The following ERC2 variants were observed in gnomAD, a reference collection of about 807,000 sequenced individuals.
The protein encoded by ERC2 is ERC protein 2.
ERC2 carries 42 observed loss-of-function variants against 114.8 expected under a neutral mutation model. The ratio of observed to expected loss-of-function variants is 0.37; its 90% CI spans 0.29 to 0.47. The LOEUF (loss-of-function observed/expected upper bound fraction) is 0.47, where lower values mean the gene tolerates loss of function less well. Among genes scored for constraint, ERC2 ranks in the 20% least tolerant of loss-of-function variants. The pLI, the probability that ERC2 is intolerant of heterozygous loss-of-function variation, is 0.99. For missense variants in ERC2, 939 were observed against 1,150.7 expected, an observed-to-expected ratio of 0.82 and a Z score of 2.66; for synonymous variants, 454 against 425.5, an observed-to-expected ratio of 1.07 and a Z score of -0.82.
chr3:56,154,614 G>T (rs1193697483), intron 4 of ERC2, among the ~76,000 whole-genome samples: 2 of 152,014 alleles, frequency 1.3e-5, no homozygotes, highest in Non-Finnish European at 2.9e-5. Flanking sequence ...ATATTAATTT[G>T]TTCTTGTTGT....
intron 7 of ERC2, among the ~76,000 whole-genome samples, chr3:56,047,057 A>G (rs970034580): frequency 4.6e-5 from 7 of 152,324 alleles, no homozygotes; most frequent in Middle Eastern, 3.4e-3. Flanking sequence ...TCTTTTCCCA[A>G]TTAAATTCAG....
chr3:55,916,264 T>A (rs768340618), intron 13 of ERC2, among the ~76,000 whole-genome samples: 1 of 152,190 alleles, frequency 6.6e-6, no homozygotes, highest in Non-Finnish European at 1.5e-5. Context: ...TTAGGCTCAT[T>A]TTACACAAAA....
intron 1 of ERC2, among the ~76,000 whole-genome samples, chr3:56,446,625 C>CTTTTTTTTTTTTTTTTTTTT (rs1318263302): frequency 2.7e-5 from 3 of 112,358 alleles, no homozygotes; most frequent in Non-Finnish European, 3.5e-5. Flanking sequence ...TTTTTTTTTT[C>CTTTTTTTTTTTTTTTTTTTT]TTTCTTTTTT....
intron 13 of ERC2, among the ~76,000 whole-genome samples, chr3:55,934,916 G>A (rs894188655): frequency 1.6e-4 from 24 of 152,252 alleles, no homozygotes; most frequent in African/African-American, 5.8e-4. Flanking sequence ...AAATCATGCG[G>A]TCTGGGGGAA....
chr3:56,300,044 G>A (rs2055759393), intron 2 of ERC2, among the ~76,000 whole-genome samples: 1 of 152,072 alleles, frequency 6.6e-6, no homozygotes, highest in Non-Finnish European at 1.5e-5. Flanking sequence ...CCACATCTAC[G>A]CAGTGGGGAT....
intron 15 of ERC2, among the ~76,000 whole-genome samples, chr3:55,728,441 G>C (rs2065052883): frequency 6.6e-6 from 1 of 152,190 alleles, no homozygotes; most frequent in East Asian, 1.9e-4. Context: ...GACTGAGATT[G>C]AATGGATGAG....
At chr3:56,035,003 G>T (rs183065853) in intron 7 of ERC2, among the ~76,000 whole-genome samples, 99 of 151,798 alleles carry the variant, frequency 6.5e-4, no homozygotes, top group African/African-American at 2.3e-3. Flanking sequence ...ATTAAGTTTA[G>T]AAAAACAACC....
At chr3:55,814,497 A>G (rs2059836717) in intron 14 of ERC2, among the ~76,000 whole-genome samples, 1 of 152,214 alleles carries the variant, frequency 6.6e-6, no homozygotes, top group Non-Finnish European at 1.5e-5. Flanking sequence ...AGTATGAATC[A>G]CATTCTCTAC....
intron 14 of ERC2, among the ~76,000 whole-genome samples, chr3:55,765,506 G>A (rs780229724): frequency 6.6e-5 from 10 of 152,144 alleles, no homozygotes; most frequent in Non-Finnish European, 1.2e-4. Flanking sequence ...ACCCAATGAC[G>A]TAGCATGTGC....
At chr3:55,934,917 T>A (rs762810123) in intron 13 of ERC2, among the ~76,000 whole-genome samples, 2 of 152,098 alleles carry the variant, frequency 1.3e-5, no homozygotes, top group African/African-American at 2.4e-5. Context: ...AATCATGCGG[T>A]CTGGGGGAAA....
intron 15 of ERC2, among the ~76,000 whole-genome samples, chr3:55,705,691 G>C (rs1372469424): frequency 6.6e-6 from 1 of 152,016 alleles, no homozygotes; most frequent in Non-Finnish European, 1.5e-5. Flanking sequence ...TCATTCAGCT[G>C]ATCCATCCTT....
intron 14 of ERC2, among the ~76,000 whole-genome samples, chr3:55,783,609 T>C (rs1433436668): frequency 6.6e-6 from 1 of 152,218 alleles, no homozygotes; most frequent in Non-Finnish European, 1.5e-5. Flanking sequence ...AAAAATATTA[T>C]TATCCATAAG....
intron 12 of ERC2, among the ~76,000 whole-genome samples, chr3:55,953,855 C>T (rs2067749873): frequency 6.6e-6 from 1 of 152,056 alleles, no homozygotes; most frequent in African/African-American, 2.4e-5. Flanking sequence ...AGTGACCTAT[C>T]AGTCTCCACA....
chr3:55,896,888 T>C (rs2063866560), intron 13 of ERC2, among the ~76,000 whole-genome samples: 1 of 152,262 alleles, frequency 6.6e-6, no homozygotes, highest in Non-Finnish European at 1.5e-5. Flanking sequence ...TTAGTCATTC[T>C]ATGTTGCAGA....
In ERC2 at chr3:56,378,544, A is replaced by G. The variant is rs1222769844; in HGVS notation, c.657+55807T>C. ...TATGTAACTAACCTGCACAATGTGC[A>G]CATGTACCCTAAAACTTAAAGTATA... On this transcript the variant is annotated intron_variant, in intron 2 of 17. Transcript: ENST00000288221. Among the ~76,000 whole-genome samples the G allele has an allele frequency of 4.2e-5, 6 of 141,766 alleles. No individual in the cohort carries two copies. In the Admixed American group the frequency reaches 4.4e-4, roughly 10 times the overall value. 93.0% of individuals were successfully genotyped at this position (141,766 alleles called of 152,430 possible).
In ERC2 at chr3:55,516,585, C is replaced by A. The variant is rs1304174706; in HGVS notation, c.*40-5309G>T. Reference sequence around the variant, plus strand: ...GGGGCCAGCCCTGTGCTCAGAATTGCACACTGCTGTTAGGGATGACGGAGT... The same window carrying A: ...GGGGCCAGCCCTGTGCTCAGAATTGAACACTGCTGTTAGGGATGACGGAGT... On this transcript the variant is annotated intron_variant, in intron 17 of 17. Coordinates refer to ENST00000288221, the MANE Select transcript of ERC2 (RefSeq NM_015576.3). Among the ~76,000 whole-genome samples the A allele has an allele frequency of 2.0e-5, 3 of 152,112 alleles. No homozygotes were observed. The East Asian group carries it at 5.8e-4, about 29-fold the overall frequency.
intron 3 of ERC2, among the ~76,000 whole-genome samples, chr3:56,188,122 T>G (rs1210881288): frequency 6.6e-6 from 1 of 152,020 alleles, no homozygotes; most frequent in African/African-American, 2.4e-5. Flanking sequence ...ATCCCTGAGG[T>G]GTCTTCTTGA....
chr3:56,141,722 A>G (rs1255917427), intron 5 of ERC2, among the ~76,000 whole-genome samples: 1 of 152,066 alleles, frequency 6.6e-6, no homozygotes, highest in African/African-American at 2.4e-5. Context: ...TTCAACTTTC[A>G]TATGTTATTG....
intron 17 of ERC2, among the ~76,000 whole-genome samples, chr3:55,514,702 A>G (rs1202169539): frequency 6.6e-6 from 1 of 152,146 alleles, no homozygotes; most frequent in Non-Finnish European, 1.5e-5. Flanking sequence ...CGAGGAAATG[A>G]ATTCTGCCAA....
Sources: gnomAD v4.1 joint callset for allele counts (sites outside exome capture counted in the v4.1 genomes callset) on GRCh38, gnomAD v4.1.1 for gene constraint, MANE v1.5 for transcripts, NCBI Gene and HGNC (gene_info 2026-07-23, HGNC 2026-07-21) for gene names.